Variants in CAMKK2 observed in about 807,000 individuals in gnomAD.
CAMKK2 encodes the protein calcium/calmodulin-dependent protein kinase kinase 2.
Under a neutral mutation model 67.2 loss-of-function variants are expected in CAMKK2, and 30 were observed. The ratio of observed to expected loss-of-function variants is 0.45; its 90% CI spans 0.33 to 0.61. The LOEUF (loss-of-function observed/expected upper bound fraction) is 0.61. Ranked by LOEUF, CAMKK2 falls within the 20% of genes least tolerant of loss-of-function variation. The pLI is 0.02. For synonymous variants in CAMKK2, 322 were observed against 326.2 expected, an observed-to-expected ratio of 0.99 and a Z score of 0.14; for missense variants, 643 against 802.0, an observed-to-expected ratio of 0.80 and a Z score of 2.39.
chr12:121,269,138 G>A (rs925676185), intron 4 of CAMKK2, among the ~76,000 whole-genome samples: 2 of 150,632 alleles, frequency 1.3e-5, no homozygotes, highest in African/African-American at 4.9e-5. Flanking sequence ...TTTTACACAT[G>A]GAGAAATATC....
chr12:121,253,591 A>G lies in CAMKK2; in HGVS notation c.908-119T>C. The stretch of plus-strand genomic sequence containing the variant: ...ACCCCTCTGATGCCTTGTCTCCCAC[A>G]GCCCCAGGCCTTTTCCAACCTTCCA... On this transcript the variant is annotated intron_variant, in intron 9 of 16. Coordinates refer to ENST00000404169, the MANE Select transcript of CAMKK2 (RefSeq NM_001270485.2). This position sits in a 1 kb window ranked among gnomAD's most constrained non-coding sequence, Gnocchi z 5.0. The G allele has an allele frequency of 1.2e-6, 1 of 842,006 alleles. No individual in the cohort carries two copies. The highest frequency in any genetic ancestry group is 2.0e-6 in the Non-Finnish European group (1 of 507,870). The allele number at this position is 842,006 out of a possible 1,614,324, so 52.2% of individuals were successfully genotyped here. A position where few individuals can be genotyped will look rare whatever the true frequency, so the allele number is the denominator to read the frequency against.
At chr12:121,246,528 G>A (rs1033832038) in intron 14 of CAMKK2, among the ~76,000 whole-genome samples, 4 of 151,708 alleles carry the variant, frequency 2.6e-5, no homozygotes, top group East Asian at 1.9e-4. Flanking sequence ...CCTGGGCAAC[G>A]AGAGCAAAAC....
Position 121,263,855 on chromosome 12 carries a change from A to G in CAMKK2, c.710T>C (p.Ile237Thr). 1 of 1,611,184 alleles carries G rather than the reference A, an allele frequency of 6.2e-7. No individual in the cohort carries two copies. The highest frequency in any genetic ancestry group is 8.5e-7 in the Non-Finnish European group (1 of 1,177,866). Residue 237 changes from isoleucine (I) to threonine (T), a missense_variant, in exon 6 of 17, where the codon ATT becomes ACT. Around this residue, in one of 3 missense-constraint regions of CAMKK2, gnomAD observed 483 missense variants for 625.8 expected, o/e 0.77. Coordinates refer to ENST00000404169, the MANE Select transcript of CAMKK2 (RefSeq NM_001270485.2). ...RGPIEQVYQEIAILKKLDHPN... is the reference protein window; with the variant it reads ...RGPIEQVYQETAILKKLDHPN... ...GTGGTCCAGCTTCTTGAGGATGGCA[A>G]TTTCCTGGTACACCTGCTCAATGGG...
intron 11 of CAMKK2, among the ~76,000 whole-genome samples, chr12:121,250,930 C>T (rs977890877): frequency 5.9e-5 from 9 of 152,120 alleles, no homozygotes; most frequent in African/African-American, 1.4e-4. Flanking sequence ...CCAGGAAGTA[C>T]GAAGAGGGAT....
At position 121,249,882 on chromosome 12, in the gene CAMKK2, T is replaced by G. The variant is rs577910709; in HGVS notation, c.1236-8A>C. On this transcript the variant is annotated splice_region_variant and splice_polypyrimidine_tract_variant and intron_variant, in intron 12 of 16. Coordinates refer to ENST00000404169, the MANE Select transcript of CAMKK2 (RefSeq NM_001270485.2). ...TCCTCAGCTATGTCGGGCCTGGGGATGGAGAGGCGTCAGGGTGGCAGACAC... is the reference window on the plus strand; with the variant it reads ...TCCTCAGCTATGTCGGGCCTGGGGAGGGAGAGGCGTCAGGGTGGCAGACAC... 2.5e-6 allele frequency: 4 copies of G among 1,613,786 alleles called. No individual in the cohort carries two copies. The Admixed American group carries it at 6.7e-5, about 27-fold the overall frequency.
At chr12:121,262,713 C>A (rs907123397) in intron 6 of CAMKK2, among the ~76,000 whole-genome samples, 1 of 151,966 alleles carries the variant, frequency 6.6e-6, no homozygotes. Flanking sequence ...CGTGCACCAC[C>A]ATACCGGGCT....
Position 121,248,646 on chromosome 12 carries a change from ACCTC to A in CAMKK2, c.1408_1411del (p.Glu470SerfsTer14). ...GGGAATGTGTTTGACTGAGTTCTCG[ACCTC>A]CTCTTCAGTCACTTCGACCAGCGTG... On this transcript the variant is annotated frameshift_variant, in exon 14 of 17. Coordinates refer to ENST00000404169, the MANE Select transcript of CAMKK2 (RefSeq NM_001270485.2). LOFTEE classifies it high-confidence loss of function. The A allele has an allele frequency of 6.2e-7, 1 of 1,614,000 alleles. No homozygotes were observed. The highest frequency in any genetic ancestry group is 8.5e-7 in the Non-Finnish European group (1 of 1,179,994).
Position 121,280,754 on chromosome 12 carries a change from G to A in CAMKK2, c.-59-6169C>T, listed in dbSNP as rs1337161951. On this transcript the variant is annotated intron_variant, in intron 1 of 16. Coordinates refer to ENST00000404169, the MANE Select transcript of CAMKK2 (RefSeq NM_001270485.2). ...CCATAGCGCTCCCATCTCCCATAGC[G>A]CTCCCAGGCTTATTAGGAAGGGGAA... Among the ~76,000 whole-genome samples the A allele has an allele frequency of 2.6e-5, 4 of 152,086 alleles. No homozygotes were observed. In the East Asian group the frequency reaches 7.7e-4, roughly 29 times the overall value.
intron 1 of CAMKK2, among the ~76,000 whole-genome samples, chr12:121,294,949 C>T (rs1285016825): frequency 1.3e-5 from 2 of 152,156 alleles, no homozygotes; most frequent in African/African-American, 4.8e-5. Flanking sequence ...GTAGGCGGAT[C>T]ACTTGAGGTA....
At chr12:121,287,558 C>T (rs1480745811) in intron 1 of CAMKK2, among the ~76,000 whole-genome samples, 1 of 152,124 alleles carries the variant, frequency 6.6e-6, no homozygotes, top group Non-Finnish European at 1.5e-5. Context: ...TAAGCAGTTC[C>T]CCTGTCTTGC....
chr12:121,253,593 C>T lies in CAMKK2; in HGVS notation c.908-121G>A, dbSNP rs978866943. 9.9e-5 allele frequency: 82 copies of T among 824,770 alleles called. No individual in the cohort carries two copies. In the African/African-American group the frequency reaches 1.3e-3, roughly 13 times the overall value. The allele number at this position is 824,770 out of a possible 1,614,324, so 51.1% of individuals were successfully genotyped here. On this transcript the variant is annotated intron_variant, in intron 9 of 16. Transcript: ENST00000404169. This position sits in a 1 kb window ranked among gnomAD's most constrained non-coding sequence, Gnocchi z 5.0. ...CCCTCTGATGCCTTGTCTCCCACAGCCCCAGGCCTTTTCCAACCTTCCACT... is the reference window on the plus strand; with the variant it reads ...CCCTCTGATGCCTTGTCTCCCACAGTCCCAGGCCTTTTCCAACCTTCCACT...
intron 11 of CAMKK2, 26 bp from the exon 12 acceptor site, chr12:121,250,060 G>A (rs1209909451): frequency 3.8e-6 from 6 of 1,585,988 alleles, no homozygotes; most frequent in Non-Finnish European, 5.2e-6. Context: ...GGACAGAGTG[G>A]CAGTCAATGG....
At chr12:121,249,593 G>A (rs1890227367) in intron 13 of CAMKK2, among the ~76,000 whole-genome samples, 194 bp downstream of exon 13, 1 of 152,146 alleles carries the variant, frequency 6.6e-6, no homozygotes, top group Admixed American at 6.6e-5. Context: ...CACTCCCACA[G>A]TCACAGTGCA....
chr12:121,247,536 G>A (rs1421245290), intron 14 of CAMKK2, among the ~76,000 whole-genome samples: 1 of 152,174 alleles, frequency 6.6e-6, no homozygotes, highest in African/African-American at 2.4e-5. Flanking sequence ...TGCAGAGTCC[G>A]ACGCCAGCTG....
chr12:121,254,642 A>T (rs951580805), intron 9 of CAMKK2, among the ~76,000 whole-genome samples: 1 of 152,108 alleles, frequency 6.6e-6, no homozygotes, highest in African/African-American at 2.4e-5. Context: ...GAGGAATAAG[A>T]GACAAAAAAA....
intron 7 of CAMKK2, 78 bp from the exon 8 acceptor site, chr12:121,255,882 C>T (rs1892179838): frequency 7.5e-7 from 1 of 1,339,976 alleles, no homozygotes; most frequent in African/African-American, 1.4e-5. Flanking sequence ...ACCTCCCAAC[C>T]ACCTCCAGAA....
In CAMKK2 at chr12:121,237,708, G is replaced by A. The variant is rs1887782646; in HGVS notation, c.*2991C>T. On this transcript the variant is annotated 3_prime_UTR_variant, in exon 17 of 17. Transcript: ENST00000404169. The surrounding 1 kb of genome is among the most constrained non-coding windows in gnomAD (Gnocchi z 4.5). ...GGCCCAGGCTTGGCACCATTTTGCT[G>A]TCTGTTTATTTCAACTGTACAGAGA... is the stretch of plus-strand genomic sequence containing the variant. 2 of 152,464 alleles carry A rather than the reference G, an allele frequency of 1.3e-5. No homozygotes were observed. The highest frequency in any genetic ancestry group is 3.2e-3 in the Middle Eastern group (1 of 316). The allele number at this position is 152,464 out of a possible 1,614,324, so 9.4% of individuals were successfully genotyped here.
At chr12:121,288,419 C>A (rs1011764181) in intron 1 of CAMKK2, among the ~76,000 whole-genome samples, 1 of 152,204 alleles carries the variant, frequency 6.6e-6, no homozygotes, top group African/African-American at 2.4e-5. Context: ...GCCAGCTCTG[C>A]AGCTCTGCGG....
At chr12:121,295,970 G>A (rs1178258893) in intron 1 of CAMKK2, among the ~76,000 whole-genome samples, 3 of 152,240 alleles carry the variant, frequency 2.0e-5, no homozygotes, top group African/African-American at 4.8e-5. Flanking sequence ...GTCCCTGAGA[G>A]TCAGGCGGAC....
Sources: allele counts gnomAD v4.1 joint callset (sites outside exome capture counted in the v4.1 genomes callset), GRCh38; gene constraint gnomAD v4.1.1; regional missense constraint gnomAD v4.1.1; non-coding constraint Gnocchi (gnomAD v3.1); transcripts MANE v1.5; gene names NCBI Gene and HGNC (gene_info 2026-07-23, HGNC 2026-07-21).